Variants in WDHD1 observed in about 807,000 individuals in gnomAD.
WDHD1 encodes the protein WD repeat and HMG-box DNA-binding protein 1.
WDHD1 carries 111 observed loss-of-function variants against 135.4 expected under a neutral mutation model. The ratio of observed to expected loss-of-function variants is 0.82; its 90% CI spans 0.70 to 0.96. WDHD1 has a LOEUF of 0.96. Among genes scored for constraint, WDHD1 ranks in the 40% least tolerant of loss-of-function variants. WDHD1 has a pLI of 0.00. For missense variants in WDHD1, 1,351 were observed against 1,336.3 expected (o/e 1.01, Z -0.17); for synonymous variants, 434 against 439.0 (o/e 0.99, Z 0.14).
rs541409973 is a variant in WDHD1 at position 54,982,199 on chromosome 14, C to T, written c.1907-503G>A. Among the ~76,000 whole-genome samples, 7 of 151,692 alleles carry T rather than the reference C, an allele frequency of 4.6e-5. No homozygotes were observed. In the South Asian group the frequency reaches 1.5e-3, roughly 32 times the overall value. On this transcript the variant is annotated intron_variant, in intron 15 of 25. Transcript: ENST00000360586. ...TTTTTTTTTGTATTTTTAGTAGAGA[C>T]GGGGTTTCACCATGTTAGCCAGGAT...
chr14:55,005,359 G>C (rs192889242), intron 7 of WDHD1: 1 of 562,740 alleles, frequency 1.8e-6, no homozygotes, highest in East Asian at 4.5e-5. Context: ...CCTGGATCTG[G>C]TTAATGAAAG....
At chr14:54,987,436 A>G (rs1259274591) in intron 13 of WDHD1, 49 bp from the exon 14 acceptor site, 1 of 1,469,692 alleles carries the variant, frequency 6.8e-7, no homozygotes, top group African/African-American at 1.6e-5. Context: ...TATGATATTT[A>G]CATATATATA....
chr14:54,963,434 G>T (rs1331663072), intron 18 of WDHD1, among the ~76,000 whole-genome samples: 1 of 152,130 alleles, frequency 6.6e-6, no homozygotes, highest in Non-Finnish European at 1.5e-5. Context: ...GCAATAAACA[G>T]TGGCTTAGAT....
intron 15 of WDHD1, among the ~76,000 whole-genome samples, chr14:54,983,760 C>T (rs1566725905): frequency 1.3e-5 from 2 of 152,070 alleles, no homozygotes; most frequent in East Asian, 3.9e-4. Context: ...CTCAAGTGAT[C>T]CTCCTGCCTC....
Position 54,963,186 on chromosome 14 carries a change from G to C in WDHD1, c.2311-14C>G, listed in dbSNP as rs759008045. 159 of 185,418 alleles carry C rather than the reference G, an allele frequency of 8.6e-4. 1 individual carries two copies. Among genetic ancestry groups the C allele is most frequent in the African/African-American group, 1.6e-3 (13 of 8,050 alleles). The allele number at this position is 185,418 out of a possible 1,614,324, so 11.5% of individuals were successfully genotyped here. On this transcript the variant is annotated splice_polypyrimidine_tract_variant and intron_variant, in intron 18 of 25. Coordinates refer to ENST00000360586, the MANE Select transcript of WDHD1 (RefSeq NM_007086.4). ...TTTACAAGAAAGCTAATCCAAAAAG[G>C]GGGGGGGGGGGGAGATCAAATAACA...
At chr14:54,960,328 C>T (rs532495552) in intron 21 of WDHD1, among the ~76,000 whole-genome samples, 6 of 151,130 alleles carry the variant, frequency 4.0e-5, no homozygotes, top group South Asian at 2.1e-4. Flanking sequence ...TCACCATGCC[C>T]GGCTAATTTT....
At chr14:54,993,166 G>A (rs1016868592) in intron 11 of WDHD1, among the ~76,000 whole-genome samples, 6 of 152,072 alleles carry the variant, frequency 3.9e-5, no homozygotes, top group Non-Finnish European at 5.9e-5. Flanking sequence ...TACCCTGCCT[G>A]GAGCCCACTG....
intron 25 of WDHD1, among the ~76,000 whole-genome samples, chr14:54,942,120 G>A (rs1325428349): frequency 2.0e-5 from 3 of 151,844 alleles, no homozygotes; most frequent in African/African-American, 4.8e-5. Flanking sequence ...GCATGGTAGC[G>A]GGCGCCTGTA....
chr14:54,966,998 G>A (rs1252353572), intron 17 of WDHD1, among the ~76,000 whole-genome samples: 1 of 152,174 alleles, frequency 6.6e-6, no homozygotes, highest in African/African-American at 2.4e-5. Context: ...ATGTATGGAG[G>A]CACTTCTTCT....
chr14:55,007,357 G>A lies in WDHD1; in HGVS notation c.523C>T (p.Pro175Ser). The A allele has an allele frequency of 2.5e-6, 4 of 1,601,090 alleles. No individual in the cohort carries two copies. Among genetic ancestry groups the A allele is most frequent in the Non-Finnish European group, 3.4e-6 (4 of 1,175,998 alleles). Residue 175 changes from proline to serine, a missense_variant, in exon 7 of 26, where the codon CCA (proline) becomes TCA (serine). Around this residue, in one of 2 missense-constraint regions of WDHD1, gnomAD observed 1,330 missense variants for 1,296.1 expected, o/e 1.03. Transcript: ENST00000360586. ...ISDQTCAISW[P>S]LLQKCNDVIN... Reference sequence around the variant, plus strand: ...ACATCGTTGCATTTTTGTAGCAGTGGCCAACTAATAGCACATGTCTAATTG... The same window carrying A: ...ACATCGTTGCATTTTTGTAGCAGTGACCAACTAATAGCACATGTCTAATTG...
At chr14:54,992,005 G>C (rs1380962660) in intron 11 of WDHD1, among the ~76,000 whole-genome samples, 1 of 152,166 alleles carries the variant, frequency 6.6e-6, no homozygotes, top group Admixed American at 6.5e-5. Context: ...TGTAATCCCA[G>C]CACTTTGCAA....
Position 54,939,271 on chromosome 14 carries a change from A to G in WDHD1, c.*2219T>C, listed in dbSNP as rs940743967. On this transcript the variant is annotated 3_prime_UTR_variant, in exon 26 of 26. Coordinates refer to ENST00000360586, the MANE Select transcript of WDHD1 (RefSeq NM_007086.4). ...GGATGGGCCTCATCCTTTTGTCCAA[A>G]GGGACTACCTGGCATCTGTTCCATG... 2 of 152,314 alleles carry G rather than the reference A, an allele frequency of 1.3e-5. No homozygotes were observed. Among genetic ancestry groups the G allele is most frequent in the East Asian group, 3.9e-4 (2 of 5,190 alleles). The allele number at this position is 152,314 out of a possible 1,614,324, so 9.4% of individuals were successfully genotyped here. A position where few individuals can be genotyped will look rare whatever the true frequency, so the allele number is the denominator to read the frequency against.
At chr14:55,021,494 C>A (rs1446948224) in intron 2 of WDHD1, among the ~76,000 whole-genome samples, 3 of 152,092 alleles carry the variant, frequency 2.0e-5, no homozygotes, top group Non-Finnish European at 4.4e-5. Context: ...GCAACCTCCA[C>A]CTCCTGAGAG....
In WDHD1 at chr14:54,941,399, T is replaced by C. The variant is rs529393124; in HGVS notation, c.*91A>G. 3 of 946,080 alleles carry C rather than the reference T, an allele frequency of 3.2e-6. No individual in the cohort carries two copies. Among genetic ancestry groups the C allele is most frequent in the Non-Finnish European group, 4.4e-6 (3 of 685,290 alleles). 58.6% of individuals were successfully genotyped at this position (946,080 alleles called of 1,614,324 possible). A position where few individuals can be genotyped will look rare whatever the true frequency, so the allele number is the denominator to read the frequency against. Reference sequence around the variant, plus strand: ...CAGTTGCTTCAAACTCTTTAAAAAATATATATATAATGAGTTTCCCAAAGA... The same window carrying C: ...CAGTTGCTTCAAACTCTTTAAAAAACATATATATAATGAGTTTCCCAAAGA... On this transcript the variant is annotated 3_prime_UTR_variant, in exon 26 of 26. Transcript: ENST00000360586.
Position 54,967,304 on chromosome 14 carries a change from A to G in WDHD1, c.2154T>C (p.Ile718=). The change falls in exon 17 of 26, where the codon ATT becomes ATC. Residue 718 remains isoleucine (I), a synonymous_variant. Coordinates refer to ENST00000360586, the MANE Select transcript of WDHD1 (RefSeq NM_007086.4). ...ILSFKLPYCQ[I]ATEKGQMEEQ... ...CCTCCATTTGTCCTTTCTCTGTTGC[A>G]ATCTGACAGTAAGGAAGCTTAAAGG... The G allele has an allele frequency of 6.2e-7, 1 of 1,611,990 alleles. No individual in the cohort carries two copies. Among genetic ancestry groups the G allele is most frequent in the Non-Finnish European group, 8.5e-7 (1 of 1,178,610 alleles).
In WDHD1 at chr14:55,011,825, T is replaced by G. The variant is rs528131504; in HGVS notation, c.190-1365A>C. ...ATAATGGCTGCATAGTATTCCATTATATGGCTCCACCAAAATTTATAAACT... is the reference window on the plus strand; with the variant it reads ...ATAATGGCTGCATAGTATTCCATTAGATGGCTCCACCAAAATTTATAAACT... On this transcript the variant is annotated intron_variant, in intron 3 of 25. Coordinates refer to ENST00000360586, the MANE Select transcript of WDHD1 (RefSeq NM_007086.4). Among the ~76,000 whole-genome samples the G allele has an allele frequency of 1.2e-3, 183 of 152,234 alleles. 1 individual carries two copies. Among genetic ancestry groups the G allele is most frequent in the African/African-American group, 4.2e-3 (176 of 41,560 alleles).
intron 2 of WDHD1, among the ~76,000 whole-genome samples, chr14:55,020,789 G>A (rs2140232869): frequency 6.6e-6 from 1 of 152,286 alleles, no homozygotes; most frequent in Admixed American, 6.5e-5. Context: ...CTACTGTTGA[G>A]TAGAAGCCTT....
chr14:54,992,634 G>A (rs982019673), intron 11 of WDHD1, among the ~76,000 whole-genome samples: 6 of 152,158 alleles, frequency 3.9e-5, no homozygotes, highest in African/African-American at 9.7e-5. Flanking sequence ...ATAATTTACA[G>A]CCAGGTGCTG....
intron 17 of WDHD1, among the ~76,000 whole-genome samples, chr14:54,967,074 A>G (rs532437668): frequency 2.0e-5 from 3 of 152,304 alleles, no homozygotes; most frequent in Middle Eastern, 3.4e-3. Flanking sequence ...ACACCCATTT[A>G]CTTTGTAGAC....
Sources: gnomAD v4.1 joint callset for allele counts (sites outside exome capture counted in the v4.1 genomes callset) on GRCh38, gnomAD v4.1.1 for gene constraint, gnomAD v4.1.1 regional missense constraint, MANE v1.5 for transcripts, NCBI Gene and HGNC (gene_info 2026-07-23, HGNC 2026-07-21) for gene names.